The following MGAT4D variants were observed in gnomAD, a reference collection of about 807,000 sequenced individuals.
The protein encoded by MGAT4D is alpha-1,3-mannosyl-glycoprotein 4-beta-N-acetylglucosaminyltransferase-like protein MGAT4D.
MGAT4D carries 34 observed loss-of-function variants against 15.9 expected under a neutral mutation model. The observed-to-expected ratio is 2.14, with a 90% CI of 1.62 to 2.84. MGAT4D has a LOEUF of 2.84. Among genes scored for constraint, MGAT4D ranks in the 30% most tolerant of loss-of-function variants. The probability of loss-of-function intolerance (pLI) is 0.00; values close to 1 mark genes in which losing one functional copy is unlikely to be tolerated. For missense variants in MGAT4D, 327 were observed against 140.2 expected (o/e 2.33, Z -6.73); for synonymous variants, 112 against 48.2 (o/e 2.33, Z -5.49).
At chr4:140,446,331 T>G (rs1730120189) in intron 10 of MGAT4D, among the ~76,000 whole-genome samples, 1 of 152,210 alleles carries the variant, frequency 6.6e-6, no homozygotes. Context: ...TATTTATTAC[T>G]GATTCAATTT....
chr4:140,447,528 C>CT (rs563703157), intron 10 of MGAT4D, among the ~76,000 whole-genome samples: 20 of 152,126 alleles, frequency 1.3e-4, no homozygotes, highest in Non-Finnish European at 1.6e-4. Flanking sequence ...CAATCCCTGC[C>CT]TTTTTTCTGA....
rs557760086 is a variant in MGAT4D, at chr4:140,491,119, G to A, written c.94+7010C>T. 2.6e-5 allele frequency among the ~76,000 whole-genome samples: 4 copies of A among 152,248 alleles called. No homozygotes were observed. The South Asian group carries it at 8.3e-4, about 32-fold the overall frequency. On this transcript the variant is annotated intron_variant, in intron 1 of 10. Coordinates refer to ENST00000511113, the MANE Select transcript of MGAT4D (RefSeq NM_001277353.2). ...GCTGGCATACACTGTTATTGTACAT[G>A]TATTTTAAATTCCACAGGACATTTC...
intron 10 of MGAT4D, among the ~76,000 whole-genome samples, chr4:140,444,134 A>T (rs985075144): frequency 6.6e-6 from 1 of 152,194 alleles, no homozygotes; most frequent in African/African-American, 2.4e-5. Flanking sequence ...AAAATGCAAA[A>T]ATGTTATACT....
At chr4:140,481,819 AGG>A (rs1732753184) in intron 2 of MGAT4D, among the ~76,000 whole-genome samples, 1 of 152,316 alleles carries the variant, frequency 6.6e-6, no homozygotes, top group Admixed American at 6.5e-5. Flanking sequence ...TGGAGTACAA[AGG>A]GGATGCATAA....
intron 5 of MGAT4D, among the ~76,000 whole-genome samples, chr4:140,468,123 CTATTA>C (rs142363502): frequency 0.19 from 29,223 of 151,354 alleles, 2,873 homozygotes; most frequent in South Asian, 0.28. Context: ...TGAATATTCA[CTATTA>C]TATTATTCAC....
chr4:140,497,177 T>G (rs1417369216), intron 1 of MGAT4D, among the ~76,000 whole-genome samples: 1 of 152,188 alleles, frequency 6.6e-6, no homozygotes, highest in South Asian at 2.1e-4. Flanking sequence ...TTACCTTGTG[T>G]GCACTTAAGT....
chr4:140,474,952 GA>G lies in MGAT4D; in HGVS notation c.392-7del. ...AATACCCAGCGCAAAAGAAACTGTG[GA>G]CATAGGAGTATGAAATCATCATTCC... On this transcript the variant is annotated splice_polypyrimidine_tract_variant and splice_region_variant and intron_variant, in intron 3 of 10. Transcript: ENST00000511113. The G allele has an allele frequency of 1.5e-6, 1 of 664,636 alleles. No homozygotes were observed. Among genetic ancestry groups the G allele is most frequent in the Non-Finnish European group, 2.7e-6 (1 of 369,754 alleles). The allele number at this position is 664,636 out of a possible 1,614,324, so 41.2% of individuals were successfully genotyped here.
At chr4:140,464,309 C>T (rs1731384793) in intron 6 of MGAT4D, among the ~76,000 whole-genome samples, 1 of 152,114 alleles carries the variant, frequency 6.6e-6, no homozygotes, top group Admixed American at 6.6e-5. Context: ...CACACTAATA[C>T]CCCAAATTAT....
rs147534633 is a variant in MGAT4D, at chr4:140,472,670, G to A, written c.526-849C>T. Among the ~76,000 whole-genome samples, 47 of 152,182 alleles carry A rather than the reference G, an allele frequency of 3.1e-4. No homozygotes were observed. In the East Asian group the frequency reaches 6.4e-3, roughly 21 times the overall value. On this transcript the variant is annotated intron_variant, in intron 4 of 10. Coordinates refer to ENST00000511113, the MANE Select transcript of MGAT4D (RefSeq NM_001277353.2). ...AAACATATTGTATTTTAAACACGGC[G>A]TCAAAGTCATATTTCGTAAGCATTT...
At chr4:140,484,734 G>C (rs1373324327) in intron 1 of MGAT4D, among the ~76,000 whole-genome samples, 1 of 152,122 alleles carries the variant, frequency 6.6e-6, no homozygotes, top group Admixed American at 6.5e-5. Flanking sequence ...ATCAAAAAGT[G>C]GGCAAAGGAT....
intron 7 of MGAT4D, among the ~76,000 whole-genome samples, chr4:140,461,593 T>C (rs959377790): frequency 4.6e-5 from 7 of 152,148 alleles, no homozygotes; most frequent in South Asian, 2.1e-4. Context: ...TCTAATAAAA[T>C]TGTAAGCCAA....
chr4:140,470,936 G>A (rs1026202084), intron 5 of MGAT4D, among the ~76,000 whole-genome samples: 2 of 150,388 alleles, frequency 1.3e-5, no homozygotes, highest in Non-Finnish European at 3.0e-5. Flanking sequence ...TCAGGTAGGA[G>A]TGCAGTGGCA....
intron 2 of MGAT4D, among the ~76,000 whole-genome samples, chr4:140,481,585 AAAC>A (rs1732735392): frequency 6.6e-6 from 1 of 152,214 alleles, no homozygotes; most frequent in South Asian, 2.1e-4. Context: ...GTGAGAGGAT[AAAC>A]AATATGTCCA....
intron 9 of MGAT4D, among the ~76,000 whole-genome samples, chr4:140,455,441 A>G (rs992286975): frequency 6.6e-6 from 1 of 152,214 alleles, no homozygotes; most frequent in Non-Finnish European, 1.5e-5. Context: ...ATTAAAAATC[A>G]TTTCAGTTTA....
chr4:140,475,396 G>A (rs1231808946), intron 3 of MGAT4D, among the ~76,000 whole-genome samples: 2 of 152,114 alleles, frequency 1.3e-5, no homozygotes, highest in Non-Finnish European at 2.9e-5. Context: ...TTGATGGAAT[G>A]AATCCACATC....
chr4:140,491,648 G>A (rs1302498744), intron 1 of MGAT4D, among the ~76,000 whole-genome samples: 1 of 151,862 alleles, frequency 6.6e-6, no homozygotes, highest in African/African-American at 2.4e-5. Flanking sequence ...CAGCAACAAG[G>A]GGCTCTGGCA....
intron 5 of MGAT4D, among the ~76,000 whole-genome samples, chr4:140,466,966 T>G (rs1296810773): frequency 6.6e-6 from 1 of 152,120 alleles, no homozygotes; most frequent in East Asian, 1.9e-4. Flanking sequence ...TTCAAGGAAG[T>G]AATTTATTTT....
chr4:140,497,130 C>T (rs751471236), intron 1 of MGAT4D, among the ~76,000 whole-genome samples: 1 of 152,026 alleles, frequency 6.6e-6, no homozygotes, highest in African/African-American at 2.4e-5. Context: ...AAACATGAAG[C>T]CACTCCCAAA....
chr4:140,446,896 A>G (rs961357851), intron 10 of MGAT4D, among the ~76,000 whole-genome samples: 1 of 150,994 alleles, frequency 6.6e-6, no homozygotes, highest in Admixed American at 6.6e-5. Context: ...AAATTCTGGT[A>G]TGTTTTACCT....
Sources: gnomAD v4.1 joint callset for allele counts (sites outside exome capture counted in the v4.1 genomes callset) on GRCh38, gnomAD v4.1.1 for gene constraint, MANE v1.5 for transcripts, NCBI Gene and HGNC (gene_info 2026-07-23, HGNC 2026-07-21) for gene names.